The following MRM3 variants were observed in gnomAD, a reference collection of about 807,000 sequenced individuals.
MRM3 encodes mitochondrial rRNA methyltransferase 3, also known as rRNA methyltransferase 3, mitochondrial.
In MRM3, 26 loss-of-function variants were observed where a neutral mutation model predicts 29.4. The observed-to-expected ratio is 0.89, with a 90% CI of 0.65 to 1.23. The LOEUF (loss-of-function observed/expected upper bound fraction) is 1.23, where lower values mean the gene tolerates loss of function less well. MRM3 is among the 50% of genes most tolerant of loss of function. The pLI is 0.00. For missense variants in MRM3, 578 were observed against 540.2 expected (o/e 1.07, Z -0.69); for synonymous variants, 225 against 219.0 (o/e 1.03, Z -0.24).
rs1910864765 is a variant in MRM3, at chr17:792,222, CAGAA to C, written c.*158_*161del. The stretch of plus-strand genomic sequence containing the variant: ...GTTACAGGAAAAATAAGAACTTCCT[CAGAA>C]AGAACAGGTCCGAATTCTTCCTGTC... On this transcript the variant is annotated 3_prime_UTR_variant, in exon 4 of 4. Transcript: ENST00000304478. 3.8e-5 allele frequency: 27 copies of C among 715,700 alleles called. No homozygotes were observed. The highest frequency in any genetic ancestry group is 5.7e-5 in the East Asian group (2 of 35,164). The allele number at this position is 715,700 out of a possible 1,614,324, so 44.3% of individuals were successfully genotyped here. A position where few individuals can be genotyped will look rare whatever the true frequency, so the allele number is the denominator to read the frequency against.
intron 2 of MRM3, 22 bp downstream of exon 2, chr17:783,349 C>CTTTTTTTT (rs35144249): frequency 8.2e-7 from 1 of 1,223,794 alleles, no homozygotes. Flanking sequence ...CCCAGTGTAT[C>CTTTTTTTT]TTTTTTTTTT....
rs1910270053 is a variant in MRM3 at position 783,129 on chromosome 17, GGGAAGAT to G, written c.362_368del (p.Gly121AlafsTer27). The stretch of plus-strand genomic sequence containing the variant: ...GTCCAGGCCATTTCGGGAAAAACAA[GGGAAGAT>G]CCTGCTGGAAGGTCGCAGGCTCATT... On this transcript the variant is annotated frameshift_variant, in exon 2 of 4. Transcript: ENST00000304478. LOFTEE classifies it high-confidence loss of function. 1 of 1,614,084 alleles carries G rather than the reference GGGAAGAT, an allele frequency of 6.2e-7. No individual in the cohort carries two copies. Among genetic ancestry groups the G allele is most frequent in the Non-Finnish European group, 8.5e-7 (1 of 1,179,996 alleles).
In MRM3 at chr17:783,126, C is replaced by G; in HGVS notation, c.358C>G (p.Gln120Glu). 1 of 1,613,586 alleles carries G rather than the reference C, an allele frequency of 6.2e-7. No homozygotes were observed. The highest frequency in any genetic ancestry group is 2.2e-5 in the East Asian group (1 of 44,860). ...AAAGTCCAGGCCATTTCGGGAAAAA[C>G]AAGGGAAGATCCTGCTGGAAGGTCG... ...IVKSRPFREK[Q>E]GKILLEGRRL... Residue 120 changes from glutamine to glutamate, a missense_variant, in exon 2 of 4, where the codon CAA (glutamine) becomes GAA (glutamate). Transcript: ENST00000304478.
Position 782,361 on chromosome 17 carries a change from G to C in MRM3, c.-18G>C. On this transcript the variant is annotated 5_prime_UTR_variant, in exon 1 of 4. Coordinates refer to ENST00000304478, the MANE Select transcript of MRM3 (RefSeq NM_018146.4). ...GCCGACGGCGCGCTTTCGTGACGCA[G>C]CCCGGGTCTCAGGGAACATGGCGGC... 3 of 1,613,260 alleles carry C rather than the reference G, an allele frequency of 1.9e-6. No individual in the cohort carries two copies. The highest frequency in any genetic ancestry group is 2.5e-6 in the Non-Finnish European group (3 of 1,179,660).
rs371262394 is a variant in MRM3, at chr17:792,351, C to T, written c.*282C>T. 1 of 348,632 alleles carries T rather than the reference C, an allele frequency of 2.9e-6. No individual in the cohort carries two copies. The highest frequency in any genetic ancestry group is 2.1e-5 in the African/African-American group (1 of 47,938). 21.6% of individuals were successfully genotyped at this position (348,632 alleles called of 1,614,324 possible). ...ATTGTCCACCAAGAAGCACTTTGTG[C>T]CCAGAAAGTTCCTGAAGCATCATCC... On this transcript the variant is annotated 3_prime_UTR_variant, in exon 4 of 4. Transcript: ENST00000304478.
At position 782,549 on chromosome 17, in the gene MRM3, G is replaced by T; in HGVS notation, c.171G>T (p.Gln57His). 1.2e-6 allele frequency: 2 copies of T among 1,613,926 alleles called. No individual in the cohort carries two copies. Among genetic ancestry groups the T allele is most frequent in the Non-Finnish European group, 1.7e-6 (2 of 1,179,826 alleles). ...AACAGAAGCGCGCTCCTGGGAAGCAGCCCCGCAAGGCACCATCTGAGGCCA... is the reference window on the plus strand; with the variant it reads ...AACAGAAGCGCGCTCCTGGGAAGCATCCCCGCAAGGCACCATCTGAGGCCA... The part of the protein sequence containing the change: ...VVEQKRAPGK[Q>H]PRKAPSEASA... Residue 57 changes from glutamine (Q) to histidine (H), a missense_variant, in exon 1 of 4, where the codon CAG (glutamine) becomes CAT (histidine). Physicochemically the swap from Gln to His is conservative, Grantham distance 24 (BLOSUM62 0). Transcript: ENST00000304478.
In MRM3 at chr17:787,928, A is replaced by C. The variant is rs750029384; in HGVS notation, c.560-37A>C. 6.2e-7 allele frequency: 1 copy of C among 1,604,866 alleles called. No individual in the cohort carries two copies. Among genetic ancestry groups the C allele is most frequent in the African/African-American group, 1.3e-5 (1 of 74,820 alleles). ...AAAAGTCAGACTATTCCCCGTGCCCACACCAGGCAAGTAAACCACCTGTTT... is the reference window on the plus strand; with the variant it reads ...AAAAGTCAGACTATTCCCCGTGCCCCCACCAGGCAAGTAAACCACCTGTTT... On this transcript the variant is annotated intron_variant, in intron 2 of 3. Transcript: ENST00000304478. This position sits in a 1 kb window ranked among gnomAD's most constrained non-coding sequence, Gnocchi z 4.1.
At chr17:783,417 A>T in intron 2 of MRM3, 90 bp downstream of exon 2, 1 of 1,300,514 alleles carries the variant, frequency 7.7e-7, no homozygotes, top group Non-Finnish European at 1.0e-6. Flanking sequence ...GCCCACTGCA[A>T]CCTCCGCCTC....
chr17:791,913 G>A lies in MRM3; in HGVS notation c.1107G>A (p.Leu369=), dbSNP rs751836740. The change falls in exon 4 of 4, where the codon CTG becomes CTA. Residue 369 remains leucine (L), a synonymous_variant. Transcript: ENST00000304478. ...TYGVSLESLQ[L]AESTGGKRLL... ...GCGTGAGCCTGGAGTCCCTGCAGCT[G>A]GCCGAGAGCACTGGTGGCAAGAGGC... 2 of 1,613,994 alleles carry A rather than the reference G, an allele frequency of 1.2e-6. No homozygotes were observed. The highest frequency in any genetic ancestry group is 2.2e-5 in the South Asian group (2 of 91,090).
Position 783,130 on chromosome 17 carries a change from G to C in MRM3, c.362G>C (p.Gly121Ala). ...TCCAGGCCATTTCGGGAAAAACAAG[G>C]GAAGATCCTGCTGGAAGGTCGCAGG... ...VKSRPFREKQ[G>A]KILLEGRRLI... is the part of the protein sequence containing the mutation. Residue 121 changes from glycine to alanine, a missense_variant, in exon 2 of 4, where the codon GGG (glycine) becomes GCG (alanine). Gly to Ala is a moderately conservative substitution (Grantham distance 60). Coordinates refer to ENST00000304478, the MANE Select transcript of MRM3 (RefSeq NM_018146.4). The C allele has an allele frequency of 6.2e-7, 1 of 1,614,084 alleles. No homozygotes were observed. Among genetic ancestry groups the C allele is most frequent in the Non-Finnish European group, 8.5e-7 (1 of 1,179,998 alleles).
Position 787,878 on chromosome 17 carries a change from C to A in MRM3, c.560-87C>A. On this transcript the variant is annotated intron_variant, in intron 2 of 3. Transcript: ENST00000304478. The surrounding 1 kb of genome is among the most constrained non-coding windows in gnomAD (Gnocchi z 4.1). Reference sequence around the variant, plus strand: ...TTCCTGTATTTTTATGTAACTAAGACCATATCAAGATTGATAAGTAAATGA... The same window carrying A: ...TTCCTGTATTTTTATGTAACTAAGAACATATCAAGATTGATAAGTAAATGA... 7.7e-7 allele frequency: 1 copy of A among 1,298,306 alleles called. No homozygotes were observed. The allele number at this position is 1,298,306 out of a possible 1,614,324, so 80.4% of individuals were successfully genotyped here.
At position 783,099 on chromosome 17, in the gene MRM3, G is replaced by A; in HGVS notation, c.331G>A (p.Val111Ile). Residue 111 changes from valine (V) to isoleucine (I), a missense_variant, in exon 2 of 4, where the codon GTA (valine) becomes ATA (isoleucine). Transcript: ENST00000304478. ...DRRLSSVMTIVKSRPFREKQG... is the reference protein window; with the variant it reads ...DRRLSSVMTIIKSRPFREKQG... ...CATCTACAGCAGTGTAATGACAATA[G>A]TAAAGTCCAGGCCATTTCGGGAAAA... is the stretch of plus-strand genomic sequence containing the variant. 6.2e-7 allele frequency: 1 copy of A among 1,613,016 alleles called. No individual in the cohort carries two copies. Among genetic ancestry groups the A allele is most frequent in the Non-Finnish European group, 8.5e-7 (1 of 1,179,452 alleles).
intron 1 of MRM3, among the ~76,000 whole-genome samples, 188 bp from the exon 2 acceptor site, chr17:782,895 C>T (rs548139026): frequency 1.2e-3 from 190 of 152,310 alleles, no homozygotes; most frequent in African/African-American, 3.7e-3. Context: ...ACCATGTTAG[C>T]CAGGCTGATC....
Position 782,588 on chromosome 17 carries a change from A to T in MRM3, c.210A>T (p.Gln70His). The T allele has an allele frequency of 6.2e-7, 1 of 1,614,094 alleles. No individual in the cohort carries two copies. The highest frequency in any genetic ancestry group is 1.6e-4 in the Middle Eastern group (1 of 6,062). Reference sequence around the variant, plus strand: ...CATCTGAGGCCAGTGCCCAGGAGCAACGAGAGAAACAACCGCTCGAGGAGT... The same window carrying T: ...CATCTGAGGCCAGTGCCCAGGAGCATCGAGAGAAACAACCGCTCGAGGAGT... ...KAPSEASAQE[Q>H]REKQPLEESA... The change falls in exon 1 of 4, where the codon CAA becomes CAT. Residue 70 changes from glutamine (Q) to histidine (H), a missense_variant. Physicochemically the swap from Gln to His is conservative, Grantham distance 24. Transcript: ENST00000304478.
chr17:789,753 G>A (rs1340610748), intron 3 of MRM3: 2 of 152,230 alleles, frequency 1.3e-5, no homozygotes, highest in Non-Finnish European at 2.9e-5. Context: ...GCTGTTGTGG[G>A]ATTTGGAAAT....
Position 792,094 on chromosome 17 carries a change from A to G in MRM3, c.*25A>G. 6.4e-7 allele frequency: 1 copy of G among 1,558,226 alleles called. No individual in the cohort carries two copies. Among genetic ancestry groups the G allele is most frequent in the Non-Finnish European group, 8.7e-7 (1 of 1,149,110 alleles). ...AGGACGCAGAAGTGACTTCTGCTTG[A>G]GGACGTCTGCAGCTCCTCCTACACC... On this transcript the variant is annotated 3_prime_UTR_variant, in exon 4 of 4. Coordinates refer to ENST00000304478, the MANE Select transcript of MRM3 (RefSeq NM_018146.4).
chr17:785,080 A>C (rs1457895865), intron 2 of MRM3, among the ~76,000 whole-genome samples: 1 of 152,206 alleles, frequency 6.6e-6, no homozygotes, highest in African/African-American at 2.4e-5. Flanking sequence ...ATTCAAAAAA[A>C]CTGTACAGTC....
rs925234684 is a variant in MRM3 at position 787,203 on chromosome 17, A to G, written c.560-762A>G. On this transcript the variant is annotated intron_variant, in intron 2 of 3. Coordinates refer to ENST00000304478, the MANE Select transcript of MRM3 (RefSeq NM_018146.4). This position sits in a 1 kb window ranked among gnomAD's most constrained non-coding sequence, Gnocchi z 4.1. ...AGAGGTTGCAGTGAGCCAGCATTAC[A>G]CCATTGTACTCCAGCCTGGGCAACA... Among the ~76,000 whole-genome samples the G allele has an allele frequency of 2.0e-5, 3 of 152,090 alleles. No individual in the cohort carries two copies. Among genetic ancestry groups the G allele is most frequent in the African/African-American group, 7.2e-5 (3 of 41,418 alleles).
At position 791,989 on chromosome 17, in the gene MRM3, G is replaced by A. The variant is rs761554838; in HGVS notation, c.1183G>A (p.Ala395Thr). 1 of 1,613,988 alleles carries A rather than the reference G, an allele frequency of 6.2e-7. No individual in the cohort carries two copies. Among genetic ancestry groups the A allele is most frequent in the Non-Finnish European group, 8.5e-7 (1 of 1,180,030 alleles). ...GGACAGCCTCAACTCGGCCATGGCG[G>A]CAAGCATCCTGCTTTTCGAAGGGAA... ...GVDSLNSAMA[A>T]SILLFEGKRQ... Residue 395 changes from alanine to threonine, a missense_variant, in exon 4 of 4, where the codon GCA (alanine) becomes ACA (threonine). Physicochemically the swap from Ala to Thr is moderately conservative, Grantham distance 58. Transcript: ENST00000304478.
Sources: gnomAD v4.1 joint callset for allele counts (sites outside exome capture counted in the v4.1 genomes callset) on GRCh38, gnomAD v4.1.1 for gene constraint, Gnocchi (gnomAD v3.1) non-coding constraint, MANE v1.5 for transcripts, NCBI Gene and HGNC (gene_info 2026-07-23, HGNC 2026-07-21) for gene names.